FLYWCH1: variants seen among roughly 807,000 people sequenced by gnomAD.
The protein encoded by FLYWCH1 is FLYWCH-type zinc finger-containing protein 1.
Under a neutral mutation model 66.4 loss-of-function variants are expected in FLYWCH1, and 75 were observed. The observed-to-expected ratio is 1.13, with a 90% CI of 0.94 to 1.37. FLYWCH1 has a LOEUF of 1.37. Ranked by LOEUF, FLYWCH1 falls within the 40% of genes most tolerant of loss-of-function variation. The pLI, the probability that FLYWCH1 is intolerant of heterozygous loss-of-function variation, is 0.00. For missense variants in FLYWCH1, 1,334 were observed against 1,001.8 expected, an observed-to-expected ratio of 1.33 and a Z score of -4.48; for synonymous variants, 595 against 429.9, an observed-to-expected ratio of 1.38 and a Z score of -4.75.
At chr16:2,932,837 A>C (rs1043769058) in intron 4 of FLYWCH1, among the ~76,000 whole-genome samples, 1 of 151,922 alleles carries the variant, frequency 6.6e-6, no homozygotes, top group Non-Finnish European at 1.5e-5. Context: ...GGGTGACCTC[A>C]CTGACAGCTA....
In FLYWCH1 at chr16:2,932,346, G is replaced by T. The variant is rs987569324; in HGVS notation, c.797-784G>T. Among the ~76,000 whole-genome samples the T allele has an allele frequency of 2.0e-5, 3 of 148,564 alleles. No homozygotes were observed. In the Admixed American group the frequency reaches 2.0e-4, roughly 10 times the overall value. ...TTTTGGGTCCTAGGTTCAACTTTCA[G>T]CCCTCCCTGATGGTAGCTCTGTAGC... On this transcript the variant is annotated intron_variant, in intron 4 of 9. Transcript: ENST00000253928.
At chr16:2,944,549 G>T (rs2071400921) in intron 9 of FLYWCH1, among the ~76,000 whole-genome samples, 1 of 152,012 alleles carries the variant, frequency 6.6e-6, no homozygotes, top group African/African-American at 2.4e-5. Context: ...GCCAGCCACA[G>T]CATTGGCTCA....
chr16:2,937,478 T>C, intron 7 of FLYWCH1, 94 bp downstream of exon 7: 1 of 1,365,136 alleles, frequency 7.3e-7, no homozygotes, highest in Non-Finnish European at 9.5e-7. Context: ...TGTTGTGTGT[T>C]GTGCATGGTG....
chr16:2,926,746 T>C (rs928010469), intron 2 of FLYWCH1, among the ~76,000 whole-genome samples: 1 of 152,206 alleles, frequency 6.6e-6, no homozygotes, highest in East Asian at 1.9e-4. Flanking sequence ...GGAATGTCAA[T>C]TGGCCATAAA....
At chr16:2,925,590 C>G (rs1176618006) in intron 2 of FLYWCH1, among the ~76,000 whole-genome samples, 50 of 107,344 alleles carry the variant, frequency 4.7e-4, no homozygotes, top group South Asian at 9.1e-4. Context: ...GAGGGGGGTA[C>G]GGGGCTTTCC....
chr16:2,937,548 G>T (rs2071066615), intron 7 of FLYWCH1, among the ~76,000 whole-genome samples, 164 bp downstream of exon 7: 1 of 152,214 alleles, frequency 6.6e-6, no homozygotes, highest in Non-Finnish European at 1.5e-5. Context: ...CGGGCTCCGA[G>T]CTCCTGCAGC....
intron 8 of FLYWCH1, among the ~76,000 whole-genome samples, chr16:2,939,467 A>G (rs1389722674): frequency 7.0e-6 from 1 of 142,232 alleles, no homozygotes; most frequent in East Asian, 1.9e-4. Flanking sequence ...AAAAAAAGAG[A>G]AGAAAAGAAA....
chr16:2,925,580 G>T (rs866223342), intron 2 of FLYWCH1, among the ~76,000 whole-genome samples: 1 of 124,818 alleles, frequency 8.0e-6, no homozygotes, highest in Non-Finnish European at 1.7e-5. Flanking sequence ...GTTGCGGGGG[G>T]AGGGGGGTAC....
At chr16:2,938,158 A>C (rs1449066121) in intron 7 of FLYWCH1, 26 bp from the exon 8 acceptor site, 9 of 1,605,530 alleles carry the variant, frequency 5.6e-6, no homozygotes, top group Non-Finnish European at 7.6e-6. Flanking sequence ...CTGTGGCCCC[A>C]CTCACAGTGT....
In FLYWCH1 at chr16:2,929,774, C is replaced by T. The variant is rs370886934; in HGVS notation, c.89C>T (p.Pro30Leu). 1.1e-5 allele frequency: 18 copies of T among 1,613,770 alleles called. No individual in the cohort carries two copies. The highest frequency in any genetic ancestry group is 1.6e-4 in the Middle Eastern group (1 of 6,084). ...PSPKPGTDVI[P>L]AAPRKPREFS... ...CCCAAGCCAGGCACGGACGTCATCC[C>T]GGCAGCCCCCAGGAAGCCCAGGGAG... Residue 30 changes from proline to leucine, a missense_variant, in exon 3 of 10, where the codon CCG (proline) becomes CTG (leucine). By Grantham distance (98) the Pro-to-Leu change is moderately conservative. Coordinates refer to ENST00000253928, the MANE Select transcript of FLYWCH1 (RefSeq NM_001308068.2).
intron 6 of FLYWCH1, chr16:2,936,105 G>T (rs2070987489): frequency 3.7e-6 from 1 of 267,132 alleles, no homozygotes. Flanking sequence ...TAGAGATGGG[G>T]TTTCACCATG....
chr16:2,931,305 T>TA (rs150704073), intron 4 of FLYWCH1, among the ~76,000 whole-genome samples: 1,236 of 87,428 alleles, frequency 0.014, 31 homozygotes, highest in African/African-American at 0.042. Flanking sequence ...TCCATCTCAG[T>TA]AAAAAAAAAA....
At position 2,933,532 on chromosome 16, in the gene FLYWCH1, C is replaced by T. The variant is rs370126317; in HGVS notation, c.1199C>T (p.Pro400Leu). The change falls in exon 5 of 10, where the codon CCA becomes CTA. Residue 400 changes from proline to leucine, a missense_variant. By Grantham distance (98) the Pro-to-Leu change is moderately conservative. Coordinates refer to ENST00000253928, the MANE Select transcript of FLYWCH1 (RefSeq NM_001308068.2). Reference protein sequence around the residue: ...KRAKVEDQELPTQPEAPDEHQ... With the variant: ...KRAKVEDQELLTQPEAPDEHQ... ...GCAAAGGTCGAAGACCAGGAGCTGC[C>T]AACCCAGCCCGAGGCCCCAGACGAG... 3.8e-5 allele frequency: 61 copies of T among 1,609,668 alleles called. No individual in the cohort carries two copies. The African/African-American group carries it at 7.6e-4, about 20-fold the overall frequency.
In FLYWCH1 at chr16:2,948,760, A is replaced by C. The variant is rs753027906; in HGVS notation, c.*33A>C. The C allele has an allele frequency of 3.7e-6, 6 of 1,611,248 alleles. No individual in the cohort carries two copies. The highest frequency in any genetic ancestry group is 4.2e-6 in the Non-Finnish European group (5 of 1,177,594). The stretch of plus-strand genomic sequence containing the variant: ...TGGGCAGAGGAGCTCCGAGCCGCCC[A>C]CCCAAGGTGGCTTCACATCCACACA... On this transcript the variant is annotated 3_prime_UTR_variant, in exon 10 of 10. Coordinates refer to ENST00000253928, the MANE Select transcript of FLYWCH1 (RefSeq NM_001308068.2).
intron 6 of FLYWCH1, chr16:2,936,309 C>T (rs1411469610): frequency 2.3e-6 from 1 of 438,334 alleles, no homozygotes; most frequent in African/African-American, 2.0e-5. Flanking sequence ...TCGTCCTGAC[C>T]TCTTCTGTCT....
chr16:2,923,155 C>T (rs934312855), intron 2 of FLYWCH1: 5 of 379,162 alleles, frequency 1.3e-5, no homozygotes, highest in African/African-American at 1.1e-4. Context: ...ACGCTGCCGC[C>T]TTGGCCTTTA....
intron 6 of FLYWCH1, chr16:2,934,617 G>T: frequency 2.2e-6 from 1 of 456,702 alleles, no homozygotes; most frequent in Middle Eastern, 3.3e-4. Flanking sequence ...GCCCCAAGGC[G>T]CTGGCCTCTC....
chr16:2,918,990 C>G, intron 2 of FLYWCH1, among the ~76,000 whole-genome samples: 1 of 152,048 alleles, frequency 6.6e-6, no homozygotes, highest in Non-Finnish European at 1.5e-5. Context: ...CTCTTTTGCC[C>G]AGGCTGGAGT....
At position 2,938,193 on chromosome 16, in the gene FLYWCH1, G is replaced by T. The variant is rs199847169; in HGVS notation, c.1787G>T (p.Arg596Leu). 8 of 1,612,160 alleles carry T rather than the reference G, an allele frequency of 5.0e-6. No individual in the cohort carries two copies. Among genetic ancestry groups the T allele is most frequent in the South Asian group, 1.1e-5 (1 of 90,964 alleles). Residue 596 changes from arginine (R) to leucine (L), a missense_variant, in exon 8 of 10, where the codon CGG becomes CTG. Transcript: ENST00000253928. ...LAQWDSPDPL[R>L]PLEFLRTSLG... ...TCACTTTCCCTTTCAGATCCTCTCC[G>T]GCCCCTGGAGTTCCTGAGGACTTCC...
Sources: allele counts gnomAD v4.1 joint callset (sites outside exome capture counted in the v4.1 genomes callset), GRCh38; gene constraint gnomAD v4.1.1; transcripts MANE v1.5; gene names NCBI Gene and HGNC (gene_info 2026-07-23, HGNC 2026-07-21).